Variants in NLRP5 observed in about 807,000 individuals in gnomAD.
The protein encoded by NLRP5 is NACHT, LRR and PYD domains-containing protein 5.
A neutral mutation model predicts 113.1 loss-of-function variants in NLRP5; 93 were observed. The ratio of observed to expected loss-of-function variants is 0.82; its 90% confidence interval spans 0.70 to 0.98. The LOEUF (loss-of-function observed/expected upper bound fraction) is 0.98. Among genes scored for constraint, NLRP5 ranks in the 50% least tolerant of loss-of-function variants. NLRP5 has a pLI of 0.00. For synonymous variants in NLRP5, 751 were observed against 600.7 expected (o/e 1.25, Z -3.66); for missense variants, 1,808 against 1,514.3 (o/e 1.19, Z -3.22).
Position 56,055,537 on chromosome 19 carries a change from C to CTTTTT in NLRP5, c.3299+1751_3299+1755dup, listed in dbSNP as rs1160965587. 1.6e-3 allele frequency among the ~76,000 whole-genome samples: 122 copies of CTTTTT among 76,450 alleles called. 16 individuals carry two copies. The highest frequency in any genetic ancestry group is 5.4e-3 in the African/African-American group (105 of 19,546). 50.2% of individuals were successfully genotyped at this position (76,450 alleles called of 152,430 possible). On this transcript the variant is annotated intron_variant, in intron 13 of 14. Transcript: ENST00000390649. The stretch of plus-strand genomic sequence containing the variant: ...CCATGTTCTATTTTTCTTTCTCTGT[C>CTTTTT]TTTTTTTTTTTTTTTTTTTTTTTTT...
intron 9 of NLRP5, among the ~76,000 whole-genome samples, chr19:56,035,120 G>A (rs888586640): frequency 2.6e-5 from 4 of 152,070 alleles, no homozygotes; most frequent in Non-Finnish European, 5.9e-5. Flanking sequence ...TGTATTTTTA[G>A]TAGAGATGGG....
At chr19:56,042,908 T>G (rs1013183190) in intron 11 of NLRP5, among the ~76,000 whole-genome samples, 13 of 152,118 alleles carry the variant, frequency 8.5e-5, no homozygotes, top group Non-Finnish European at 1.8e-4. Flanking sequence ...CTCATCCAGG[T>G]CACTGCAAAT....
intron 11 of NLRP5, among the ~76,000 whole-genome samples, chr19:56,050,004 G>C (rs1320057665): frequency 2.0e-5 from 3 of 152,130 alleles, no homozygotes; most frequent in Non-Finnish European, 4.4e-5. Context: ...ACCTGGCCAG[G>C]TGTGGTGGCT....
chr19:55,999,168 A>G (rs1981506244), upstream of NLRP5, among the ~76,000 whole-genome samples: 1 of 150,810 alleles, frequency 6.6e-6, no homozygotes, highest in South Asian at 2.1e-4. Flanking sequence ...ATTGTTTTAG[A>G]ATCCACACAA....
chr19:56,052,084 C>G (rs1026855231), intron 12 of NLRP5, among the ~76,000 whole-genome samples: 2 of 152,140 alleles, frequency 1.3e-5, no homozygotes, highest in African/African-American at 4.8e-5. Context: ...CTCTCCATCA[C>G]CATTTATCCA....
intron 6 of NLRP5, among the ~76,000 whole-genome samples, chr19:56,021,032 C>T (rs866332328): frequency 3.9e-5 from 6 of 151,954 alleles, no homozygotes; most frequent in Middle Eastern, 3.4e-3. Flanking sequence ...CCACCATGCC[C>T]GACTAATTTT....
intron 6 of NLRP5, among the ~76,000 whole-genome samples, chr19:56,021,185 A>G (rs977366380): frequency 6.6e-6 from 1 of 152,136 alleles, no homozygotes; most frequent in Non-Finnish European, 1.5e-5. Flanking sequence ...CATGGCATTT[A>G]TCATCCAGAC....
chr19:55,997,650 G>A (rs757736261), upstream of NLRP5, among the ~76,000 whole-genome samples: 80 of 152,068 alleles, frequency 5.3e-4, no homozygotes, highest in Non-Finnish European at 9.9e-4. Flanking sequence ...TAGCCAACAT[G>A]GTAAAACCCC....
chr19:56,041,237 C>T (rs2123323790), intron 11 of NLRP5, 145 bp downstream of exon 11: 2 of 772,682 alleles, frequency 2.6e-6, no homozygotes, highest in East Asian at 2.6e-5. Flanking sequence ...TCCATGTCTC[C>T]TAGGTTTCAT....
intron 6 of NLRP5, 123 bp from the exon 7 acceptor site, chr19:56,026,790 G>A: frequency 1.0e-6 from 1 of 953,892 alleles, no homozygotes; most frequent in Non-Finnish European, 1.5e-6. Flanking sequence ...TGACCAGGCT[G>A]GTCTCAAACT....
intron 11 of NLRP5, among the ~76,000 whole-genome samples, chr19:56,044,013 T>TC (rs1273239837): frequency 6.6e-6 from 1 of 151,982 alleles, no homozygotes; most frequent in Non-Finnish European, 1.5e-5. Context: ...CGAAGGGTTT[T>TC]TCCCATGTTA....
the NLRP5 span, among the ~76,000 whole-genome samples, chr19:55,986,895 G>A: frequency 2.0e-5 from 3 of 152,218 alleles, no homozygotes; most frequent in East Asian, 5.8e-4. Flanking sequence ...CCCGCGTATT[G>A]AGCTTACTAG....
chr19:56,042,604 G>A (rs306443), intron 11 of NLRP5, among the ~76,000 whole-genome samples: 41,384 of 151,940 alleles, frequency 0.27, 5,720 homozygotes, highest in African/African-American at 0.31. Context: ...CTGCCTCCCA[G>A]AGTGCTGGGA....
intron 14 of NLRP5, among the ~76,000 whole-genome samples, chr19:56,059,372 A>G (rs1013108695): frequency 2.0e-5 from 3 of 152,150 alleles, no homozygotes; most frequent in South Asian, 2.1e-4. Context: ...TAGAAAAAGC[A>G]TTTGTCATTT....
upstream of NLRP5, among the ~76,000 whole-genome samples, chr19:55,998,898 CTTAG>C (rs1568478473): frequency 1.3e-5 from 2 of 151,164 alleles, no homozygotes; most frequent in African/African-American, 4.9e-5. Flanking sequence ...TGTCCATTGC[CTTAG>C]TTACTTTTTG....
intron 14 of NLRP5, among the ~76,000 whole-genome samples, chr19:56,061,171 C>T (rs1984338537): frequency 6.6e-6 from 1 of 152,192 alleles, no homozygotes; most frequent in South Asian, 2.1e-4. Flanking sequence ...CCAGTTCTTT[C>T]ATAAGTGGAG....
chr19:56,036,813 C>T (rs949627403), intron 9 of NLRP5, among the ~76,000 whole-genome samples: 7 of 152,026 alleles, frequency 4.6e-5, no homozygotes, highest in East Asian at 1.9e-4. Context: ...AAAAATTAGT[C>T]GGGCATGATG....
the NLRP5 span, among the ~76,000 whole-genome samples, chr19:55,994,610 A>G: frequency 2.6e-5 from 4 of 152,068 alleles, no homozygotes; most frequent in Non-Finnish European, 4.4e-5. Flanking sequence ...GTTGGCCAGG[A>G]TGGTCTCGAT....
chr19:56,036,429 TG>T (rs1006902392), intron 9 of NLRP5, among the ~76,000 whole-genome samples: 6 of 151,544 alleles, frequency 4.0e-5, no homozygotes, highest in African/African-American at 1.5e-4. Context: ...GACATGTTCC[TG>T]GGACATGCTG....
Sources: gnomAD v4.1 joint callset for allele counts (sites outside exome capture counted in the v4.1 genomes callset) on GRCh38, gnomAD v4.1.1 for gene constraint, MANE v1.5 for transcripts, NCBI Gene and HGNC (gene_info 2026-07-23, HGNC 2026-07-21) for gene names.